The following NDRG3 variants were observed in gnomAD, a reference collection of about 807,000 sequenced individuals.
NDRG3 encodes the protein NDRG family member 3, also known as protein NDRG3.
A neutral mutation model predicts 57.2 loss-of-function variants in NDRG3; 23 were observed. That is an observed-to-expected ratio of 0.40 (90% CI 0.29 to 0.57). The LOEUF (loss-of-function observed/expected upper bound fraction) is 0.57. NDRG3 is among the 20% of genes least tolerant of loss of function. NDRG3 has a pLI of 0.42. For missense variants in NDRG3, 384 were observed against 457.3 expected, an observed-to-expected ratio of 0.84 and a Z score of 1.46; for synonymous variants, 132 against 162.6, an observed-to-expected ratio of 0.81 and a Z score of 1.43.
At chr20:36,742,408 G>A (rs991182964) in intron 1 of NDRG3, among the ~76,000 whole-genome samples, 3 of 152,130 alleles carry the variant, frequency 2.0e-5, no homozygotes, top group Non-Finnish European at 4.4e-5. Flanking sequence ...CCAGTTCTGC[G>A]ACCTTGGACA....
intron 1 of NDRG3, among the ~76,000 whole-genome samples, chr20:36,744,174 T>C (rs1986069164): frequency 6.6e-6 from 1 of 152,110 alleles, no homozygotes; most frequent in African/African-American, 2.4e-5. Flanking sequence ...AGTGCTGGGA[T>C]TACAGGCGTG....
intron 2 of NDRG3, among the ~76,000 whole-genome samples, chr20:36,712,030 C>T (rs1320827609): frequency 1.3e-5 from 2 of 152,172 alleles, no homozygotes; most frequent in African/African-American, 2.4e-5. Context: ...CTGCCCACCT[C>T]GGTCTCCAAA....
chr20:36,714,412 A>G (rs898792843), intron 2 of NDRG3, among the ~76,000 whole-genome samples: 2 of 150,604 alleles, frequency 1.3e-5, no homozygotes, highest in African/African-American at 4.9e-5. Context: ...CTCAAAAAAA[A>G]AAAAAAAAAT....
chr20:36,671,786 A>G (rs1392403462), intron 8 of NDRG3, among the ~76,000 whole-genome samples: 1 of 147,208 alleles, frequency 6.8e-6, no homozygotes, highest in Non-Finnish European at 1.5e-5. Flanking sequence ...TGGGCGACAC[A>G]GTGAGACTCC....
At chr20:36,739,071 G>C (rs920349710) in intron 1 of NDRG3, among the ~76,000 whole-genome samples, 1 of 146,188 alleles carries the variant, frequency 6.8e-6, no homozygotes, top group Non-Finnish European at 1.5e-5. Flanking sequence ...GGAGGCAGAG[G>C]CTGCAGTAAG....
At chr20:36,671,780 C>G (rs1046602886) in intron 8 of NDRG3, among the ~76,000 whole-genome samples, 2 of 143,282 alleles carry the variant, frequency 1.4e-5, no homozygotes, top group Non-Finnish European at 3.0e-5. Flanking sequence ...CCAGCCTGGG[C>G]GACACAGTGA....
rs137981821 is a variant in NDRG3 at position 36,699,027 on chromosome 20, G to C, written c.93+7945C>G. On this transcript the variant is annotated intron_variant, in intron 3 of 15. Transcript: ENST00000349004. ...TGTGATCATAGCTCACTGCAGCATA[G>C]AACTCCTGGGCTCAAGCAATCCTCT... is the stretch of plus-strand genomic sequence containing the variant. Among the ~76,000 whole-genome samples, 266 of 152,190 alleles carry C rather than the reference G, an allele frequency of 1.7e-3. 2 individuals carry two copies. Among genetic ancestry groups the C allele is most frequent in the African/African-American group, 6.0e-3 (249 of 41,522 alleles).
At chr20:36,692,780 G>A (rs1444248950) in intron 3 of NDRG3, among the ~76,000 whole-genome samples, 1 of 151,670 alleles carries the variant, frequency 6.6e-6, no homozygotes, top group Non-Finnish European at 1.5e-5. Context: ...TACCCCTAAA[G>A]GATCTTAACC....
At chr20:36,711,381 CA>C (rs1294901352) in intron 2 of NDRG3, among the ~76,000 whole-genome samples, 2 of 151,958 alleles carry the variant, frequency 1.3e-5, no homozygotes, top group African/African-American at 4.8e-5. Flanking sequence ...CTAAACAGAC[CA>C]TATTAGGGCT....
intron 2 of NDRG3, among the ~76,000 whole-genome samples, chr20:36,718,187 C>A (rs543205021): frequency 6.6e-6 from 1 of 152,164 alleles, no homozygotes; most frequent in African/African-American, 2.4e-5. Context: ...CCACTTGCTG[C>A]GCAAAGACAG....
chr20:36,712,001 G>C (rs1009191314), intron 2 of NDRG3, among the ~76,000 whole-genome samples: 1 of 152,128 alleles, frequency 6.6e-6, no homozygotes, highest in Admixed American at 6.5e-5. Context: ...GGATGGTCTC[G>C]ATCTCCTGAC....
At chr20:36,732,296 T>C (rs945088133) in intron 1 of NDRG3, among the ~76,000 whole-genome samples, 1 of 152,136 alleles carries the variant, frequency 6.6e-6, no homozygotes, top group Non-Finnish European at 1.5e-5. Flanking sequence ...ACAGAAAACA[T>C]GTAGAGGCTT....
intron 6 of NDRG3, 131 bp from the exon 7 acceptor site, chr20:36,682,709 GT>G: frequency 1.4e-5 from 10 of 723,998 alleles, no homozygotes; most frequent in African/African-American, 3.6e-5. Flanking sequence ...TTGGGCAAGT[GT>G]TTTTTTTCTT....
At chr20:36,660,838 G>A (rs1307691003) in intron 12 of NDRG3, among the ~76,000 whole-genome samples, 1 of 152,126 alleles carries the variant, frequency 6.6e-6, no homozygotes, top group African/African-American at 2.4e-5. Context: ...GGGATTACAG[G>A]CGTGAGCCAC....
chr20:36,653,537 T>C lies in NDRG3; in HGVS notation c.1111A>G (p.Met371Val), dbSNP rs1056395476. 22 of 1,613,970 alleles carry C rather than the reference T, an allele frequency of 1.4e-5. No homozygotes were observed. Among genetic ancestry groups the C allele is most frequent in the Non-Finnish European group, 1.8e-5 (21 of 1,179,958 alleles). ...SPDVLDRHQT[M>V]EVSC ...GCATCTGCTTAGCAGGACACCTCCA[T>C]GGTCTGGTGTCTGTCCAGGACATCA... The change falls in exon 16 of 16, where the codon ATG becomes GTG. Residue 371 changes from methionine to valine, a missense_variant. Physicochemically the swap from Met to Val is conservative, Grantham distance 21. Transcript: ENST00000349004. The surrounding 1 kb of genome is among the most constrained non-coding windows in gnomAD (Gnocchi z 4.2).
chr20:36,670,745 C>G (rs1414786917), intron 9 of NDRG3, among the ~76,000 whole-genome samples: 1 of 152,202 alleles, frequency 6.6e-6, no homozygotes, highest in Non-Finnish European at 1.5e-5. Flanking sequence ...TCTCCCCATT[C>G]TAGACACCTC....
intron 2 of NDRG3, among the ~76,000 whole-genome samples, chr20:36,715,011 T>C (rs1984174059): frequency 1.6e-4 from 4 of 25,312 alleles, no homozygotes; most frequent in Admixed American, 1.4e-3. Flanking sequence ...TGTGTGTATA[T>C]ATATATATAT....
At chr20:36,672,611 C>T (rs915495489) in intron 8 of NDRG3, among the ~76,000 whole-genome samples, 1 of 152,088 alleles carries the variant, frequency 6.6e-6, no homozygotes, top group Non-Finnish European at 1.5e-5. Context: ...AGCGGATCAC[C>T]TGAGGTCAGG....
chr20:36,704,769 C>T (rs751311215), intron 3 of NDRG3, among the ~76,000 whole-genome samples: 7 of 152,210 alleles, frequency 4.6e-5, no homozygotes, highest in Non-Finnish European at 1.0e-4. Flanking sequence ...TTATTACAAA[C>T]GAGTTTGGAA....
Sources: gnomAD v4.1 joint callset for allele counts (sites outside exome capture counted in the v4.1 genomes callset) on GRCh38, gnomAD v4.1.1 for gene constraint, Gnocchi (gnomAD v3.1) non-coding constraint, MANE v1.5 for transcripts, NCBI Gene and HGNC (gene_info 2026-07-23, HGNC 2026-07-21) for gene names.